Variants in SHANK2 observed in about 807,000 individuals in gnomAD.
SHANK2 encodes SH3 and multiple ankyrin repeat domains 2.
Under a neutral mutation model 133.7 loss-of-function variants are expected in SHANK2, and 43 were observed. The ratio of observed to expected loss-of-function variants is 0.32; its 90% CI spans 0.25 to 0.41. SHANK2 has a LOEUF of 0.41. Among genes scored for constraint, SHANK2 ranks in the 10% least tolerant of loss-of-function variants. The probability of loss-of-function intolerance (pLI) is 1.00; values close to 1 mark genes in which losing one functional copy is unlikely to be tolerated. For missense variants in SHANK2, 1,994 were observed against 2,235.8 expected (o/e 0.89, Z 2.18); for synonymous variants, 1,017 against 952.8 (o/e 1.07, Z -1.24).
chr11:71,139,209 C>T (rs1372052072), intron 3 of SHANK2, among the ~76,000 whole-genome samples: 4 of 152,132 alleles, frequency 2.6e-5, no homozygotes, highest in Admixed American at 1.3e-4. Flanking sequence ...ACAGCTTCAG[C>T]TGAGCTACTC....
chr11:70,678,724 G>C (rs1441545674), intron 15 of SHANK2, among the ~76,000 whole-genome samples: 1 of 151,790 alleles, frequency 6.6e-6, no homozygotes, highest in African/African-American at 2.4e-5. Context: ...TGTATTTTTA[G>C]TAGAGACAGG....
At chr11:70,495,044 C>T (rs929822317) in intron 21 of SHANK2, among the ~76,000 whole-genome samples, 1 of 152,214 alleles carries the variant, frequency 6.6e-6, no homozygotes, top group Non-Finnish European at 1.5e-5. Flanking sequence ...AGGAAACACC[C>T]GATTCTCATC....
chr11:71,106,862 C>G (rs1462622354), intron 6 of SHANK2, among the ~76,000 whole-genome samples: 1 of 152,012 alleles, frequency 6.6e-6, no homozygotes, highest in Non-Finnish European at 1.5e-5. Flanking sequence ...TGGTGGCACA[C>G]ACCTGTAATC....
chr11:70,864,736 C>G (rs1425505852), intron 11 of SHANK2: 1 of 152,148 alleles, frequency 6.6e-6, no homozygotes, highest in Non-Finnish European at 1.5e-5. Context: ...ATAAAAGGGA[C>G]CCCCAGGACC....
chr11:70,502,849 T>A lies in SHANK2; in HGVS notation c.2144A>T (p.Lys715Met), dbSNP rs1555159167. 6.2e-7 allele frequency: 1 copy of A among 1,604,748 alleles called. No individual in the cohort carries two copies. Residue 715 changes from lysine (K) to methionine (M), a missense_variant, in exon 18 of 26, where the codon AAG becomes ATG. This residue lies in a region of SHANK2 where 488 missense variants were observed against 642.6 expected (regional missense o/e 0.76). Transcript: ENST00000601538. Reference sequence around the variant, plus strand: ...CAGATTCCTGGTCACCGTGACCACCTTAAGGACCAGGTGATTCCCTCCCTG... The same window carrying A: ...CAGATTCCTGGTCACCGTGACCACCATAAGGACCAGGTGATTCCCTCCCTG... Reference protein sequence around the residue: ...IRQGGNHLVLKVVTVTRNLDP... With the variant: ...IRQGGNHLVLMVVTVTRNLDP...
At chr11:70,858,999 T>A (rs569094331) in intron 11 of SHANK2, among the ~76,000 whole-genome samples, 2 of 152,352 alleles carry the variant, frequency 1.3e-5, no homozygotes, top group South Asian at 4.1e-4. Context: ...CTTTCCACAC[T>A]GGAGCACTGG....
At chr11:71,246,792 A>G (rs1954967106) in intron 1 of SHANK2, among the ~76,000 whole-genome samples, 1 of 152,134 alleles carries the variant, frequency 6.6e-6, no homozygotes, top group African/African-American at 2.4e-5. Flanking sequence ...ATACCAAAAC[A>G]AAAGGGCTAA....
At chr11:70,655,362 C>A (rs555856700) in intron 17 of SHANK2, among the ~76,000 whole-genome samples, 6 of 152,232 alleles carry the variant, frequency 3.9e-5, no homozygotes, top group African/African-American at 9.6e-5. Flanking sequence ...CAGAGTCAGA[C>A]AATGTGGGTT....
chr11:70,685,864 T>C (rs933938928), intron 15 of SHANK2, among the ~76,000 whole-genome samples: 2 of 152,252 alleles, frequency 1.3e-5, no homozygotes, highest in African/African-American at 4.8e-5. Flanking sequence ...GTACTGCCTA[T>C]AGAGAGGTCT....
intron 3 of SHANK2, among the ~76,000 whole-genome samples, chr11:71,131,763 G>A (rs116603238): frequency 0.011 from 1,713 of 152,284 alleles, 35 homozygotes; most frequent in African/African-American, 0.039. Context: ...TGGAAGGGGG[G>A]TTATAATTAA....
chr11:70,948,679 C>T (rs79863629), intron 10 of SHANK2, among the ~76,000 whole-genome samples: 1,924 of 152,250 alleles, frequency 0.013, 39 homozygotes, highest in African/African-American at 0.043. Context: ...CTGCAGGGAG[C>T]GGTGGGGAGT....
chr11:71,092,106 C>T (rs1951528885), intron 8 of SHANK2, among the ~76,000 whole-genome samples: 1 of 152,176 alleles, frequency 6.6e-6, no homozygotes, highest in African/African-American at 2.4e-5. Context: ...GGGCAGGGCT[C>T]CTGGGAAGGG....
At chr11:70,769,377 G>T (rs1425761239) in intron 14 of SHANK2, among the ~76,000 whole-genome samples, 1 of 152,194 alleles carries the variant, frequency 6.6e-6, no homozygotes, top group Admixed American at 6.5e-5. Flanking sequence ...ACTCCTTCTA[G>T]GAGGATCCAG....
intron 2 of SHANK2, among the ~76,000 whole-genome samples, chr11:71,151,625 T>A (rs868923657): frequency 1.3e-4 from 20 of 152,338 alleles, no homozygotes; most frequent in Middle Eastern, 3.4e-3. Flanking sequence ...CACTCATTAA[T>A]GCAGAAAGAA....
chr11:70,481,282 C>T (rs145356847), intron 25 of SHANK2, among the ~76,000 whole-genome samples: 12 of 152,330 alleles, frequency 7.9e-5, no homozygotes, highest in Admixed American at 2.0e-4. Flanking sequence ...GTAATTAAGA[C>T]GCCTGCAAAT....
chr11:70,798,580 G>A (rs1947971973), intron 13 of SHANK2, 24 bp from the exon 14 acceptor site: 1 of 718,248 alleles, frequency 1.4e-6, no homozygotes, highest in Non-Finnish European at 2.6e-6. Context: ...AAAGGGAGAG[G>A]TGTTAGCAGG....
In SHANK2 at chr11:70,804,876, C is replaced by G. The variant is rs1948127437; in HGVS notation, c.1663+2126G>C. ...GGGGCTCATCACCGGCTCCCCCTCT[C>G]CCTTGAGCTCCTGCTCATCCATGCT... On this transcript the variant is annotated intron_variant, in intron 13 of 25. Coordinates refer to ENST00000601538, the MANE Select transcript of SHANK2 (RefSeq NM_012309.5). This position sits in a 1 kb window ranked among gnomAD's most constrained non-coding sequence, Gnocchi z 4.1. Among the ~76,000 whole-genome samples, 1 of 152,182 alleles carries G rather than the reference C, an allele frequency of 6.6e-6. No individual in the cohort carries two copies.
chr11:71,158,378 A>C (rs1952943817), intron 2 of SHANK2, among the ~76,000 whole-genome samples: 1 of 152,208 alleles, frequency 6.6e-6, no homozygotes, highest in East Asian at 1.9e-4. Flanking sequence ...AACCAAAGTC[A>C]ACTAAAAAAA....
At chr11:71,127,820 C>T (rs1332616965) in intron 3 of SHANK2, among the ~76,000 whole-genome samples, 4 of 152,154 alleles carry the variant, frequency 2.6e-5, no homozygotes, top group Non-Finnish European at 5.9e-5. Flanking sequence ...TAAGATATGC[C>T]TGTTATGTAA....
Sources: gnomAD v4.1 joint callset for allele counts (sites outside exome capture counted in the v4.1 genomes callset) on GRCh38, gnomAD v4.1.1 for gene constraint, gnomAD v4.1.1 regional missense constraint, Gnocchi (gnomAD v3.1) non-coding constraint, MANE v1.5 for transcripts, NCBI Gene and HGNC (gene_info 2026-07-23, HGNC 2026-07-21) for gene names.